The following BRF1 variants were observed in gnomAD, a reference collection of about 807,000 sequenced individuals.
BRF1 encodes transcription factor IIIB 90 kDa subunit.
A neutral mutation model predicts 81.7 loss-of-function variants in BRF1; 59 were observed. The ratio of observed to expected loss-of-function variants is 0.72; its 90% CI spans 0.59 to 0.90. The LOEUF is 0.90. Ranked by LOEUF, BRF1 falls within the 40% of genes least tolerant of loss-of-function variation. The probability of loss-of-function intolerance (pLI) is 0.00; values close to 1 mark genes in which losing one functional copy is unlikely to be tolerated. For synonymous variants in BRF1, 491 were observed against 395.6 expected, an observed-to-expected ratio of 1.24 and a Z score of -2.86; for missense variants, 1,050 against 936.3, an observed-to-expected ratio of 1.12 and a Z score of -1.58.
chr14:105,299,329 G>C (rs2057885444), intron 1 of BRF1, among the ~76,000 whole-genome samples: 1 of 152,046 alleles, frequency 6.6e-6, no homozygotes, highest in Admixed American at 6.6e-5. Context: ...CCAGCAATTC[G>C]GGAGGCCAAG....
chr14:105,222,388 C>G (rs767316162), intron 10 of BRF1: 1 of 155,018 alleles, frequency 6.5e-6, no homozygotes, highest in Non-Finnish European at 1.4e-5. Flanking sequence ...AAAACACAAC[C>G]CAATTAAAAA....
chr14:105,292,689 G>A (rs1412177116), intron 1 of BRF1, among the ~76,000 whole-genome samples: 1 of 152,214 alleles, frequency 6.6e-6, no homozygotes, highest in African/African-American at 2.4e-5. Context: ...GCCTACTGGT[G>A]GGGCTGGATG....
At chr14:105,292,275 C>T (rs1234341453) in intron 1 of BRF1, among the ~76,000 whole-genome samples, 1 of 152,168 alleles carries the variant, frequency 6.6e-6, no homozygotes, top group Non-Finnish European at 1.5e-5. Context: ...CCTCCACCTC[C>T]CGGGTTCAAG....
At chr14:105,312,315 T>C (rs1000029395) in intron 1 of BRF1, among the ~76,000 whole-genome samples, 2 of 152,224 alleles carry the variant, frequency 1.3e-5, no homozygotes, top group Non-Finnish European at 2.9e-5. Context: ...ATTCAGAACC[T>C]TGAAGCTTTA....
intron 1 of BRF1, among the ~76,000 whole-genome samples, chr14:105,295,783 G>GAA (rs59076857): frequency 4.0e-5 from 5 of 124,536 alleles, no homozygotes; most frequent in Admixed American, 8.2e-5. Context: ...CTTTGTCCCA[G>GAA]AAAAAAAAAA....
Position 105,300,625 on chromosome 14 carries a change from G to C in BRF1, c.5C>G (p.Thr2Arg). Reference protein sequence around the residue: MTGRVCRGCGGT... With the variant: MRGRVCRGCGGT... ...GCCGCAACCGCGGCACACGCGGCCCGTCATGCCGGCGACCGCGCGGGCAGC... is the reference window on the plus strand; with the variant it reads ...GCCGCAACCGCGGCACACGCGGCCCCTCATGCCGGCGACCGCGCGGGCAGC... Residue 2 changes from threonine (T) to arginine (R), a missense_variant, in exon 1 of 18, where the codon ACG becomes AGG. Physicochemically the swap from Thr to Arg is moderately conservative, Grantham distance 71. Transcript: ENST00000547530. 1 of 1,381,690 alleles carries C rather than the reference G, an allele frequency of 7.2e-7. No homozygotes were observed. Among genetic ancestry groups the C allele is most frequent in the Non-Finnish European group, 9.3e-7 (1 of 1,077,900 alleles). The allele number at this position is 1,381,690 out of a possible 1,614,324, so 85.6% of individuals were successfully genotyped here.
intron 5 of BRF1, chr14:105,248,585 G>GCGGGACGGCGCCCCCCGCGGC (rs2055319003): frequency 1.6e-5 from 10 of 609,960 alleles, no homozygotes; most frequent in Admixed American, 6.8e-5. Context: ...GGGCGGGCGG[G>GCGGGACGGCGCCCCCCGCGGC]CGGGACGGCG....
In BRF1 at chr14:105,209,657, G is replaced by T. The variant is rs587702609; in HGVS notation, c.*894C>A. The T allele has an allele frequency of 8.8e-6, 6 of 680,582 alleles. No individual in the cohort carries two copies. In the African/African-American group the frequency reaches 1.1e-4, roughly 12 times the overall value. 42.2% of individuals were successfully genotyped at this position (680,582 alleles called of 1,614,324 possible). A position where few individuals can be genotyped will look rare whatever the true frequency, so the allele number is the denominator to read the frequency against. ...CGTCTGCCCTCCCTCCTCGATGGGG[G>T]GCCTGATCCAGCTCTGACAGGGAGC... On this transcript the variant is annotated 3_prime_UTR_variant, in exon 18 of 18. Coordinates refer to ENST00000547530, the MANE Select transcript of BRF1 (RefSeq NM_001519.4).
chr14:105,256,406 C>A (rs1211964513), intron 4 of BRF1, 112 bp downstream of exon 4: 4 of 1,611,390 alleles, frequency 2.5e-6, no homozygotes, highest in Non-Finnish European at 3.4e-6. Flanking sequence ...GCAGCACAGA[C>A]CGGCCACTGA....
chr14:105,241,191 AG>A, intron 6 of BRF1, 73 bp downstream of exon 6: 1 of 1,576,820 alleles, frequency 6.3e-7, no homozygotes, highest in Non-Finnish European at 8.6e-7. Flanking sequence ...CCAGCCCACC[AG>A]CACTCAGGAG....
intron 3 of BRF1, among the ~76,000 whole-genome samples, chr14:105,263,924 CAAA>C (rs58615148): frequency 6.4e-5 from 5 of 78,542 alleles, no homozygotes; most frequent in African/African-American, 5.0e-5. Flanking sequence ...GACTCTGTCT[CAAA>C]AAAAAAAAAA....
At chr14:105,249,665 C>T (rs1270415510) in intron 5 of BRF1, 7 of 1,612,752 alleles carry the variant, frequency 4.3e-6, no homozygotes, top group South Asian at 3.3e-5. Context: ...TGAGATCGAT[C>T]TGGAAGCCGA....
intron 5 of BRF1, chr14:105,248,603 C>T (rs2055324271): frequency 2.1e-6 from 2 of 966,804 alleles, no homozygotes; most frequent in Non-Finnish European, 1.2e-6. Context: ...GCGCCCCCCG[C>T]GGCCGGGCCT....
At position 105,312,100 on chromosome 14, in the gene BRF1, G is replaced by A. The variant is rs111891784; in HGVS notation, c.-162+3222C>T. ...CTTCAGCAGGGCCTGCTGTGTGTCT[G>A]TGTCATCTTAGCCCAGGCTGAGGAG... On this transcript the variant is annotated intron_variant, in intron 1 of 17. Coordinates refer to the BRF1 transcript ENST00000327359. 7.0e-3 allele frequency among the ~76,000 whole-genome samples: 1,064 copies of A among 152,338 alleles called. 13 individuals carry two copies. Among genetic ancestry groups the A allele is most frequent in the African/African-American group, 0.024 (1,018 of 41,578 alleles).
chr14:105,211,070 G>A (rs1027587202), intron 17 of BRF1, 52 bp downstream of exon 17: 2 of 1,600,066 alleles, frequency 1.2e-6, no homozygotes, highest in African/African-American at 2.7e-5. Flanking sequence ...AGGGGCAGTA[G>A]CTGATGCCTT....
intron 2 of BRF1, among the ~76,000 whole-genome samples, chr14:105,282,511 A>G (rs587647084): frequency 0.01 from 1,539 of 152,364 alleles, 31 homozygotes; most frequent in African/African-American, 0.036. Context: ...CCAAGCTTGC[A>G]GCGGGACCAG....
At chr14:105,303,637 A>G (rs975869228), upstream of BRF1, among the ~76,000 whole-genome samples, 2 of 152,070 alleles carry the variant, frequency 1.3e-5, no homozygotes, top group Non-Finnish European at 2.9e-5. Context: ...TCTCCCTGTA[A>G]TTACCACTTT....
At chr14:105,255,630 C>T (rs1290611276) in intron 4 of BRF1, among the ~76,000 whole-genome samples, 2 of 152,224 alleles carry the variant, frequency 1.3e-5, no homozygotes, top group Non-Finnish European at 2.9e-5. Flanking sequence ...ACCTGTGGTG[C>T]AGCCCCCAGC....
At chr14:105,222,205 C>T (rs1179724740) in intron 10 of BRF1, 2 of 365,392 alleles carry the variant, frequency 5.5e-6, no homozygotes, top group East Asian at 5.6e-5. Context: ...TCTAATGGTT[C>T]TAAAAGCAGA....
Sources: gnomAD v4.1 joint callset for allele counts (sites outside exome capture counted in the v4.1 genomes callset) on GRCh38, gnomAD v4.1.1 for gene constraint, MANE v1.5 for transcripts, NCBI Gene and HGNC (gene_info 2026-07-23, HGNC 2026-07-21) for gene names.